JAKMIP3: variants seen among roughly 807,000 people sequenced by gnomAD.
The protein encoded by JAKMIP3 is Janus kinase and microtubule interacting protein 3.
In JAKMIP3, 58 loss-of-function variants were observed where a neutral mutation model predicts 118.5. The observed-to-expected ratio is 0.49, with a 90% confidence interval of 0.40 to 0.61. JAKMIP3 has a LOEUF of 0.61. Ranked by LOEUF, JAKMIP3 falls within the 20% of genes least tolerant of loss-of-function variation. The probability of loss-of-function intolerance (pLI) is 0.00; values close to 1 mark genes in which losing one functional copy is unlikely to be tolerated. For missense variants in JAKMIP3, 950 were observed against 1,109.0 expected (o/e 0.86, Z 2.04); for synonymous variants, 486 against 451.2 (o/e 1.08, Z -0.98).
intron 9 of JAKMIP3, among the ~76,000 whole-genome samples, chr10:132,139,049 AGT>A (rs4009682): frequency 0.13 from 18,818 of 150,086 alleles, 1,626 homozygotes; most frequent in East Asian, 0.29. Context: ...CTTTATGTTG[AGT>A]GTGTGTGTGT....
At chr10:132,106,297 C>T (rs1342258898) in intron 2 of JAKMIP3, among the ~76,000 whole-genome samples, 1 of 151,964 alleles carries the variant, frequency 6.6e-6, no homozygotes, top group Admixed American at 6.6e-5. Flanking sequence ...GTGATTGTGC[C>T]ACTGTACTCT....
rs76345189 is a variant in JAKMIP3, at chr10:132,164,328, C to T, written c.2425-342C>T. Reference sequence around the variant, plus strand: ...GCTCTCTCTGTGCCCAGCTCTCCTGCGACCCTCTGGCGGCCCCTTACTCCG... The same window carrying T: ...GCTCTCTCTGTGCCCAGCTCTCCTGTGACCCTCTGGCGGCCCCTTACTCCG... On this transcript the variant is annotated intron_variant, in intron 20 of 23. Transcript: ENST00000684848. Among the ~76,000 whole-genome samples the T allele has an allele frequency of 1.2e-4, 18 of 152,332 alleles. No individual in the cohort carries two copies. In the East Asian group the frequency reaches 3.3e-3, roughly 28 times the overall value.
chr10:132,054,333 A>T (rs894972412), intron 1 of JAKMIP3, among the ~76,000 whole-genome samples: 1 of 152,110 alleles, frequency 6.6e-6, no homozygotes, highest in African/African-American at 2.4e-5. Flanking sequence ...TCAATTTACC[A>T]AGAATTTAAA....
In JAKMIP3 at chr10:132,092,492, CTCT is replaced by C. The variant is rs1414073713; in HGVS notation, c.-137-12175_-137-12173del. Among the ~76,000 whole-genome samples, 48 of 152,248 alleles carry C rather than the reference CTCT, an allele frequency of 3.2e-4. 1 individual carries two copies. The South Asian group carries it at 9.1e-3, about 29-fold the overall frequency. On this transcript the variant is annotated intron_variant, in intron 1 of 23. Coordinates refer to ENST00000684848, the MANE Select transcript of JAKMIP3 (RefSeq NM_001323087.2). Reference sequence around the variant, plus strand: ...TTTTTACTCTTTTTTCTCTAAACTTCTCTTCTTGCTTCATTTCATTCATTTGGT... The same window carrying C: ...TTTTTACTCTTTTTTCTCTAAACTTCTCTTGCTTCATTTCATTCATTTGGT...
intron 1 of JAKMIP3, among the ~76,000 whole-genome samples, chr10:132,048,056 G>C (rs1490146001): frequency 6.6e-6 from 1 of 152,252 alleles, no homozygotes; most frequent in African/African-American, 2.4e-5. Context: ...TTTAGCTGGG[G>C]TTCTCTCGTG....
At chr10:132,090,656 C>T (rs1441478991) in intron 1 of JAKMIP3, among the ~76,000 whole-genome samples, 1 of 152,160 alleles carries the variant, frequency 6.6e-6, no homozygotes, top group Non-Finnish European at 1.5e-5. Flanking sequence ...TTCAAAAAAC[C>T]AGCTCCTGGA....
chr10:132,159,576 C>CCTGTGTGATGCTGGGGGTCCTCTT (rs1564981458), intron 19 of JAKMIP3, among the ~76,000 whole-genome samples: 46 of 95,276 alleles, frequency 4.8e-4, no homozygotes, highest in Non-Finnish European at 6.9e-4. Context: ...GGGCGTGTCT[C>CCTGTGTGATGCTGGGGGTCCTCTT]CCTGTGTGAT....
chr10:132,154,380 C>T (rs1255028847), intron 19 of JAKMIP3, among the ~76,000 whole-genome samples: 5 of 152,202 alleles, frequency 3.3e-5, no homozygotes, highest in African/African-American at 9.6e-5. Context: ...TCTGGGACAA[C>T]AGCCTGCTCA....
intron 1 of JAKMIP3, among the ~76,000 whole-genome samples, chr10:132,085,880 A>C (rs2042339199): frequency 1.3e-5 from 2 of 152,058 alleles, no homozygotes; most frequent in South Asian, 4.2e-4. Context: ...TTAGTTCTGC[A>C]CTGATCTTGG....
At chr10:132,079,171 G>GC (rs2134162570) in intron 1 of JAKMIP3, among the ~76,000 whole-genome samples, 1 of 152,370 alleles carries the variant, frequency 6.6e-6, no homozygotes, top group Non-Finnish European at 1.5e-5. Flanking sequence ...GCCCCACAGC[G>GC]CTGGGGTCTG....
intron 21 of JAKMIP3, 64 bp from the exon 22 acceptor site, chr10:132,166,918 AG>A: frequency 4.4e-6 from 5 of 1,142,634 alleles, no homozygotes; most frequent in Non-Finnish European, 6.4e-6. Flanking sequence ...TCTTGCCAGA[AG>A]CACTACAAAC....
At chr10:132,101,984 C>T (rs796068733) in intron 1 of JAKMIP3, among the ~76,000 whole-genome samples, 14 of 145,428 alleles carry the variant, frequency 9.6e-5, no homozygotes, top group Middle Eastern at 3.4e-3. Context: ...GGAGCCCACC[C>T]GACGCTCATG....
intron 22 of JAKMIP3, 113 bp downstream of exon 22, chr10:132,167,168 C>T (rs1303685616): frequency 1.2e-5 from 9 of 752,570 alleles, no homozygotes; most frequent in Admixed American, 5.2e-5. Context: ...AACTGGAAGG[C>T]GATGACCCAG....
At position 132,168,307 on chromosome 10, in the gene JAKMIP3, C is replaced by T. The variant is rs192051153; in HGVS notation, c.*377C>T. 1.6e-5 allele frequency: 20 copies of T among 1,289,372 alleles called. No individual in the cohort carries two copies. The highest frequency in any genetic ancestry group is 2.1e-4 in the Middle Eastern group (1 of 4,718). 79.9% of individuals were successfully genotyped at this position (1,289,372 alleles called of 1,614,324 possible). A position where few individuals can be genotyped will look rare whatever the true frequency, so the allele number is the denominator to read the frequency against. On this transcript the variant is annotated 3_prime_UTR_variant, in exon 23 of 24. Transcript: ENST00000684848. The stretch of plus-strand genomic sequence containing the variant: ...TGCTTCTGTGCAGAAGCACCAGCCG[C>T]GGGTCCCCTCCTCTCTCTTGGTTCT...
chr10:132,171,652 C>CTTTTTT (rs34371364), intron 23 of JAKMIP3, among the ~76,000 whole-genome samples: 1 of 135,766 alleles, frequency 7.4e-6, no homozygotes, highest in African/African-American at 2.8e-5. Flanking sequence ...TTTTTTCTTT[C>CTTTTTT]TTTTTTTTTT....
At chr10:132,166,446 A>G (rs2058913411) in intron 21 of JAKMIP3, among the ~76,000 whole-genome samples, 1 of 152,068 alleles carries the variant, frequency 6.6e-6, no homozygotes, top group African/African-American at 2.4e-5. Flanking sequence ...CCCGACCCCC[A>G]GCCCAGAGTG....
intron 23 of JAKMIP3, among the ~76,000 whole-genome samples, chr10:132,173,697 G>A (rs1044413445): frequency 1.3e-5 from 2 of 149,854 alleles, no homozygotes; most frequent in African/African-American, 2.5e-5. Flanking sequence ...GTGTGTGGTG[G>A]CCTGTGGTAT....
At chr10:132,125,749 T>G (rs1024078626) in intron 3 of JAKMIP3, among the ~76,000 whole-genome samples, 2 of 152,248 alleles carry the variant, frequency 1.3e-5, no homozygotes, top group African/African-American at 2.4e-5. Flanking sequence ...ATGGTCTGCT[T>G]TTCACATTTT....
At chr10:132,059,080 C>T (rs897444904) in intron 1 of JAKMIP3, among the ~76,000 whole-genome samples, 2 of 152,216 alleles carry the variant, frequency 1.3e-5, no homozygotes, top group Non-Finnish European at 2.9e-5. Flanking sequence ...TTCGCGCGGA[C>T]GACAAACGCG....
Sources: gnomAD v4.1 joint callset for allele counts (sites outside exome capture counted in the v4.1 genomes callset) on GRCh38, gnomAD v4.1.1 for gene constraint, MANE v1.5 for transcripts, NCBI Gene and HGNC (gene_info 2026-07-23, HGNC 2026-07-21) for gene names.